CDH4: variants seen among roughly 807,000 people sequenced by gnomAD.
The protein encoded by CDH4 is cadherin-4.
A neutral mutation model predicts 86.0 loss-of-function variants in CDH4; 33 were observed. The observed-to-expected ratio is 0.38, with a 90% CI of 0.29 to 0.51. The LOEUF (loss-of-function observed/expected upper bound fraction) is 0.51. Among genes scored for constraint, CDH4 ranks in the 20% least tolerant of loss-of-function variants. The pLI is 0.86. For missense variants in CDH4, 1,114 were observed against 1,307.4 expected (o/e 0.85, Z 2.28); for synonymous variants, 555 against 549.4 (o/e 1.01, Z -0.14).
At chr20:61,728,398 T>C (rs2088139861) in intron 2 of CDH4, among the ~76,000 whole-genome samples, 1 of 152,142 alleles carries the variant, frequency 6.6e-6, no homozygotes, top group African/African-American at 2.4e-5. Flanking sequence ...TTCCATCCTC[T>C]AAAACTCTGC....
chr20:61,916,874 GT>G lies in CDH4; in HGVS notation c.1374+6268del, dbSNP rs2054908370. On this transcript the variant is annotated intron_variant, in intron 9 of 15. Coordinates refer to ENST00000614565, the MANE Select transcript of CDH4 (RefSeq NM_001794.5). ...CGACTTAGCTTCTGTTTCTAGCTGGGTCCCCCCAGGTGGTGGTAAGTGGTAG... is the reference window on the plus strand; with the variant it reads ...CGACTTAGCTTCTGTTTCTAGCTGGGCCCCCCAGGTGGTGGTAAGTGGTAG... Among the ~76,000 whole-genome samples the G allele has an allele frequency of 2.0e-5, 3 of 152,196 alleles. No homozygotes were observed. The South Asian group carries it at 6.2e-4, about 31-fold the overall frequency.
intron 7 of CDH4, among the ~76,000 whole-genome samples, chr20:61,881,335 G>T (rs6121826): frequency 2.2e-4 from 33 of 152,260 alleles, no homozygotes; most frequent in Middle Eastern, 6.8e-3. Flanking sequence ...CCATTCCAGC[G>T]GTGGCATTTC....
At chr20:61,405,224 G>A (rs998516444) in intron 2 of CDH4, among the ~76,000 whole-genome samples, 3 of 151,772 alleles carry the variant, frequency 2.0e-5, no homozygotes, top group Admixed American at 6.6e-5. Flanking sequence ...TCCCTCAGCA[G>A]AAGCCATGGT....
intron 13 of CDH4, 75 bp from the exon 14 acceptor site, chr20:61,932,910 G>C: frequency 6.4e-7 from 1 of 1,559,592 alleles, no homozygotes; most frequent in South Asian, 1.2e-5. Flanking sequence ...TGCCCACATA[G>C]ACACATGGCA....
chr20:61,524,163 C>G (rs1269651693), intron 2 of CDH4, among the ~76,000 whole-genome samples: 3 of 152,176 alleles, frequency 2.0e-5, no homozygotes, highest in African/African-American at 7.2e-5. Context: ...GTCCATTGGG[C>G]TGCTTTGGTT....
intron 9 of CDH4, among the ~76,000 whole-genome samples, chr20:61,921,363 C>T (rs1046492173): frequency 2.6e-5 from 4 of 152,250 alleles, no homozygotes; most frequent in Admixed American, 1.3e-4. Context: ...CACGCTGCTG[C>T]GTGGCAATCT....
intron 2 of CDH4, among the ~76,000 whole-genome samples, chr20:61,686,774 C>T (rs1433348825): frequency 3.3e-5 from 5 of 150,718 alleles, no homozygotes; most frequent in Middle Eastern, 3.5e-3. Context: ...TGCATTCGCG[C>T]GTGTGTGTGT....
At chr20:61,644,845 A>C (rs1258538211) in intron 2 of CDH4, among the ~76,000 whole-genome samples, 2 of 152,248 alleles carry the variant, frequency 1.3e-5, no homozygotes, top group East Asian at 3.9e-4. Flanking sequence ...CGGCCTGTCC[A>C]GCCTGCAGAA....
At chr20:61,692,628 T>A (rs929652709) in intron 2 of CDH4, among the ~76,000 whole-genome samples, 1 of 152,228 alleles carries the variant, frequency 6.6e-6, no homozygotes, top group Non-Finnish European at 1.5e-5. Context: ...TCTGTGTCCG[T>A]GCGAGCAAAT....
chr20:61,468,886 A>G (rs961048551), intron 2 of CDH4, among the ~76,000 whole-genome samples: 9 of 152,038 alleles, frequency 5.9e-5, no homozygotes, highest in African/African-American at 1.9e-4. Flanking sequence ...AGATGACAGG[A>G]TCTCATTCTT....
chr20:61,526,084 G>A (rs1174376215), intron 2 of CDH4, among the ~76,000 whole-genome samples: 2 of 152,302 alleles, frequency 1.3e-5, no homozygotes, highest in East Asian at 1.9e-4. Flanking sequence ...TAATGACAAC[G>A]TGGCTAGTAC....
rs376490415 is a variant in CDH4 at position 61,829,583 on chromosome 20, C to T, written c.577-15085C>T. On this transcript the variant is annotated intron_variant, in intron 4 of 15. Coordinates refer to ENST00000614565, the MANE Select transcript of CDH4 (RefSeq NM_001794.5). This position sits in a 1 kb window ranked among gnomAD's most constrained non-coding sequence, Gnocchi z 4.2. ...CTGGAGGCCACGAGCCTGTTTTCCA[C>T]GGCGGCTCTGCGGGCCTCCTGTTGA... Among the ~76,000 whole-genome samples the T allele has an allele frequency of 1.4e-3, 211 of 152,334 alleles. No homozygotes were observed. Among genetic ancestry groups the T allele is most frequent in the African/African-American group, 3.3e-3 (137 of 41,580 alleles).
At chr20:61,934,257 T>G (rs1046115445) in intron 15 of CDH4, 37 bp downstream of exon 15, 2 of 1,500,612 alleles carry the variant, frequency 1.3e-6, no homozygotes, top group African/African-American at 2.8e-5. Context: ...CCGGGCAAGG[T>G]GTCTCCTCTA....
chr20:61,432,838 T>A (rs1284496467), intron 2 of CDH4, among the ~76,000 whole-genome samples: 2 of 147,202 alleles, frequency 1.4e-5, no homozygotes, highest in Admixed American at 6.8e-5. Flanking sequence ...CCATGATTTT[T>A]TTTTTTTTTT....
In CDH4 at chr20:61,782,160, T is replaced by G. The variant is rs1053253664; in HGVS notation, c.576+8978T>G. The stretch of plus-strand genomic sequence containing the variant: ...CATCTCTACTAAAAATACAAAAAAA[T>G]CAGCTGGGTGTGGTGGCACATGCCT... On this transcript the variant is annotated intron_variant, in intron 4 of 15. Transcript: ENST00000614565. 5.3e-5 allele frequency among the ~76,000 whole-genome samples: 8 copies of G among 152,084 alleles called. No individual in the cohort carries two copies. The South Asian group carries it at 1.7e-3, about 32-fold the overall frequency.
At chr20:61,711,302 C>T (rs2087890436) in intron 2 of CDH4, among the ~76,000 whole-genome samples, 1 of 152,236 alleles carries the variant, frequency 6.6e-6, no homozygotes, top group Non-Finnish European at 1.5e-5. Flanking sequence ...CCCAGCCATG[C>T]TGAACTGTGA....
At chr20:61,460,121 A>G (rs2085433406) in intron 2 of CDH4, among the ~76,000 whole-genome samples, 1 of 152,176 alleles carries the variant, frequency 6.6e-6, no homozygotes, top group South Asian at 2.1e-4. Flanking sequence ...TTGTTAAATG[A>G]ATGTGCAAGG....
intron 2 of CDH4, among the ~76,000 whole-genome samples, chr20:61,357,097 C>T (rs555027506): frequency 3.3e-5 from 5 of 152,304 alleles, no homozygotes; most frequent in East Asian, 1.9e-4. Context: ...CCCCAACCTC[C>T]GCCCAGGCTA....
chr20:61,718,576 C>T, intron 2 of CDH4: 1 of 345,680 alleles, frequency 2.9e-6, no homozygotes, highest in South Asian at 2.3e-5. Flanking sequence ...GCACCACCTG[C>T]ACAGGCTCAC....
Sources: allele counts gnomAD v4.1 joint callset (sites outside exome capture counted in the v4.1 genomes callset), GRCh38; gene constraint gnomAD v4.1.1; non-coding constraint Gnocchi (gnomAD v3.1); transcripts MANE v1.5; gene names NCBI Gene and HGNC (gene_info 2026-07-23, HGNC 2026-07-21).